SUSD5: variants seen among roughly 807,000 people sequenced by gnomAD.
SUSD5 encodes the protein sushi domain containing 5.
Under a neutral mutation model 29.5 loss-of-function variants are expected in SUSD5, and 33 were observed. The observed-to-expected ratio is 1.12, with a 90% CI of 0.85 to 1.49. SUSD5 has a LOEUF of 1.49. Among genes scored for constraint, SUSD5 ranks in the 40% most tolerant of loss-of-function variants. The probability of loss-of-function intolerance (pLI) is 0.00; values close to 1 mark genes in which losing one functional copy is unlikely to be tolerated. For missense variants in SUSD5, 776 were observed against 800.6 expected (o/e 0.97, Z 0.37); for synonymous variants, 308 against 325.3 (o/e 0.95, Z 0.57).
In SUSD5 at chr3:33,218,769, G is replaced by A. The variant is rs1559460254; in HGVS notation, c.29C>T (p.Ala10Val). The A allele has an allele frequency of 5.6e-6, 8 of 1,434,614 alleles. No individual in the cohort carries two copies. The highest frequency in any genetic ancestry group is 7.3e-6 in the Non-Finnish European group (8 of 1,100,544). The allele number at this position is 1,434,614 out of a possible 1,614,324, so 88.9% of individuals were successfully genotyped here. A position where few individuals can be genotyped will look rare whatever the true frequency, so the allele number is the denominator to read the frequency against. Residue 10 changes from alanine (A) to valine (V), a missense_variant, in exon 1 of 5, where the codon GCC (alanine) becomes GTC (valine). Transcript: ENST00000309558. MTAEGPSPP[A>V]RWHRRLPGLW... Reference sequence around the variant, plus strand: ...CCCGGGGAGGCGTCTGTGCCAACGGGCAGGCGGGCTGGGTCCCTCGGCAGT... The same window carrying A: ...CCCGGGGAGGCGTCTGTGCCAACGGACAGGCGGGCTGGGTCCCTCGGCAGT...
chr3:33,216,133 C>T (rs1377787600), intron 1 of SUSD5, among the ~76,000 whole-genome samples: 2 of 151,924 alleles, frequency 1.3e-5, no homozygotes. Context: ...CACAAAGTAC[C>T]AATATCAAGA....
At position 33,152,760 on chromosome 3, in the gene SUSD5, G is replaced by T. The variant is rs1164244792; in HGVS notation, c.1872C>A (p.Ile624=). The T allele has an allele frequency of 3.7e-6, 6 of 1,610,578 alleles. No individual in the cohort carries two copies. The Admixed American group carries it at 1.0e-4, about 27-fold the overall frequency. Residue 624 remains isoleucine (I), a synonymous_variant, in exon 5 of 5, where the codon ATC becomes ATA. Coordinates refer to ENST00000309558, the MANE Select transcript of SUSD5 (RefSeq NM_015551.2). Reference sequence around the variant, plus strand: ...AAGGTGCCTAGACCTTCTCCATCTCGATCTGCTGGTGGTAGTGCCGAGCCT... The same window carrying T: ...AAGGTGCCTAGACCTTCTCCATCTCTATCTGCTGGTGGTAGTGCCGAGCCT... ...QRQARHYHQQ[I]EMEKV is the part of the protein sequence containing the mutation.
chr3:33,205,014 T>C (rs910088511), intron 3 of SUSD5, among the ~76,000 whole-genome samples: 1 of 152,058 alleles, frequency 6.6e-6, no homozygotes, highest in African/African-American at 2.4e-5. Flanking sequence ...TGTGTGTGTA[T>C]ACATATATAT....
chr3:33,207,941 A>G lies in SUSD5; in HGVS notation c.291-15T>C, dbSNP rs1410385215. On this transcript the variant is annotated splice_polypyrimidine_tract_variant and intron_variant, in intron 2 of 4. Transcript: ENST00000309558. ...ACACAGTTGTTCTGAAATAGACAAA[A>G]AAGGCACTGAATGAGGAAAACTCTG... 6.3e-7 allele frequency: 1 copy of G among 1,591,806 alleles called. No individual in the cohort carries two copies. Among genetic ancestry groups the G allele is most frequent in the South Asian group, 1.1e-5 (1 of 89,920 alleles).
At chr3:33,176,054 C>T (rs1317747819) in intron 3 of SUSD5, among the ~76,000 whole-genome samples, 2 of 152,202 alleles carry the variant, frequency 1.3e-5, no homozygotes, top group Non-Finnish European at 2.9e-5. Context: ...TTACTGTCTC[C>T]ATAGTTTGCC....
chr3:33,157,780 A>G (rs143080890), intron 4 of SUSD5, among the ~76,000 whole-genome samples: 21 of 152,294 alleles, frequency 1.4e-4, no homozygotes, highest in Non-Finnish European at 2.9e-4. Context: ...AGGATAAAAG[A>G]CCCCATGAAG....
At chr3:33,197,839 G>C (rs779887293) in intron 3 of SUSD5, among the ~76,000 whole-genome samples, 13 of 152,006 alleles carry the variant, frequency 8.6e-5, no homozygotes, top group Non-Finnish European at 1.3e-4. Flanking sequence ...CCATGGTATG[G>C]ATATACCACA....
At position 33,152,768 on chromosome 3, in the gene SUSD5, G is replaced by A. The variant is rs1367389901; in HGVS notation, c.1864C>T (p.Gln622Ter). Reference protein sequence around the residue: ...VGQRQARHYHQQIEMEKV With the variant: ...VGQRQARHYH ...TAGACCTTCTCCATCTCGATCTGCTGGTGGTAGTGCCGAGCCTGCCGCTGG... is the reference window on the plus strand; with the variant it reads ...TAGACCTTCTCCATCTCGATCTGCTAGTGGTAGTGCCGAGCCTGCCGCTGG... The change falls in exon 5 of 5, where the codon CAG (glutamine) becomes TAG (stop). Residue 622 changes from glutamine to a stop codon, truncating the protein, a stop_gained. Transcript: ENST00000309558. LOFTEE classifies it high-confidence loss of function. The A allele has an allele frequency of 6.2e-7, 1 of 1,612,790 alleles. No homozygotes were observed. Among genetic ancestry groups the A allele is most frequent in the African/African-American group, 1.3e-5 (1 of 75,016 alleles).
In SUSD5 at chr3:33,152,667, C is replaced by G; in HGVS notation, c.*75G>C. 6.9e-7 allele frequency: 1 copy of G among 1,441,350 alleles called. No individual in the cohort carries two copies. Among genetic ancestry groups the G allele is most frequent in the Non-Finnish European group, 9.3e-7 (1 of 1,070,010 alleles). The allele number at this position is 1,441,350 out of a possible 1,614,324, so 89.3% of individuals were successfully genotyped here. On this transcript the variant is annotated 3_prime_UTR_variant, in exon 5 of 5. Transcript: ENST00000309558. Reference sequence around the variant, plus strand: ...AGCCTCAGTCCACCTGCGTCATGCTCTAGTGAATTATCGTGTGATGTGTCA... The same window carrying G: ...AGCCTCAGTCCACCTGCGTCATGCTGTAGTGAATTATCGTGTGATGTGTCA...
intron 3 of SUSD5, among the ~76,000 whole-genome samples, chr3:33,183,890 GT>G (rs1378185168): frequency 6.3e-5 from 8 of 127,664 alleles, no homozygotes; most frequent in African/African-American, 9.0e-5. Context: ...GGTTAATGGG[GT>G]TTTTTTTCCT....
intron 3 of SUSD5, among the ~76,000 whole-genome samples, chr3:33,196,876 G>A (rs560133282): frequency 6.6e-6 from 1 of 152,226 alleles, no homozygotes; most frequent in East Asian, 1.9e-4. Context: ...GAGCATCTCA[G>A]AAAACAAAAA....
chr3:33,158,809 C>T (rs760811818), intron 4 of SUSD5, among the ~76,000 whole-genome samples: 7 of 152,150 alleles, frequency 4.6e-5, no homozygotes, highest in Non-Finnish European at 7.4e-5. Context: ...GATCATTTTT[C>T]CTCAAGAAGC....
At chr3:33,187,508 A>G (rs1340957953) in intron 3 of SUSD5, among the ~76,000 whole-genome samples, 1 of 152,172 alleles carries the variant, frequency 6.6e-6, no homozygotes, top group East Asian at 1.9e-4. Flanking sequence ...AACACCACTC[A>G]TATCCAGGTG....
chr3:33,160,177 G>A (rs4678721), intron 4 of SUSD5, among the ~76,000 whole-genome samples: 44,024 of 152,004 alleles, frequency 0.29, 7,198 homozygotes, highest in East Asian at 0.51. Context: ...GTCTCACTAT[G>A]TTGCCCAGGC....
Position 33,151,917 on chromosome 3 carries a change from G to A in SUSD5, c.*825C>T, listed in dbSNP as rs2030907151. Reference sequence around the variant, plus strand: ...CTAATTTCAAGAAACAATGAAAAAAGAAACCTCAAAGCTTCTAGACTGTGT... The same window carrying A: ...CTAATTTCAAGAAACAATGAAAAAAAAAACCTCAAAGCTTCTAGACTGTGT... On this transcript the variant is annotated 3_prime_UTR_variant, in exon 5 of 5. Coordinates refer to ENST00000309558, the MANE Select transcript of SUSD5 (RefSeq NM_015551.2). 6.6e-6 allele frequency: 1 copy of A among 152,112 alleles called. No homozygotes were observed. The highest frequency in any genetic ancestry group is 6.6e-5 in the Admixed American group (1 of 15,264). The allele number at this position is 152,112 out of a possible 1,614,324, so 9.4% of individuals were successfully genotyped here. A position where few individuals can be genotyped will look rare whatever the true frequency, so the allele number is the denominator to read the frequency against.
intron 3 of SUSD5, among the ~76,000 whole-genome samples, chr3:33,182,506 T>C (rs2031693078): frequency 6.6e-6 from 1 of 152,196 alleles, no homozygotes; most frequent in Non-Finnish European, 1.5e-5. Context: ...TGTCCATTTC[T>C]GACAGAGGGG....
chr3:33,175,168 G>A (rs944229879), intron 3 of SUSD5, 94 bp from the exon 4 acceptor site: 77 of 1,333,640 alleles, frequency 5.8e-5, no homozygotes, highest in Non-Finnish European at 7.3e-5. Flanking sequence ...CTCCCCTGCC[G>A]CCCACCGTAC....
Position 33,172,805 on chromosome 3 carries a change from G to GTGCTTATAT in SUSD5, c.598+2072_598+2080dup, listed in dbSNP as rs1319912728. Reference sequence around the variant, plus strand: ...ATGTCTACTTAATTTAACACAGATTGTGCTTATATTTAGAATCTATTTTAT... The same window carrying GTGCTTATAT: ...ATGTCTACTTAATTTAACACAGATTGTGCTTATATTGCTTATATTTAGAATCTATTTTAT... On this transcript the variant is annotated intron_variant, in intron 4 of 4. Coordinates refer to ENST00000309558, the MANE Select transcript of SUSD5 (RefSeq NM_015551.2). 7.2e-5 allele frequency among the ~76,000 whole-genome samples: 11 copies of GTGCTTATAT among 152,292 alleles called. No homozygotes were observed. The East Asian group carries it at 2.1e-3, about 29-fold the overall frequency.
At chr3:33,162,508 T>A (rs4678490) in intron 4 of SUSD5, among the ~76,000 whole-genome samples, 126,264 of 151,828 alleles carry the variant, frequency 0.83, 53,075 homozygotes, top group East Asian at 1. Context: ...TTCTTTGAAC[T>A]GACGAGTAAG....
Sources: gnomAD v4.1 joint callset for allele counts (sites outside exome capture counted in the v4.1 genomes callset) on GRCh38, gnomAD v4.1.1 for gene constraint, MANE v1.5 for transcripts, NCBI Gene and HGNC (gene_info 2026-07-23, HGNC 2026-07-21) for gene names.